ANKRD6: variants seen among roughly 807,000 people sequenced by gnomAD.
ANKRD6 encodes the protein ankyrin repeat domain 6.
Under a neutral mutation model 82.3 loss-of-function variants are expected in ANKRD6, and 56 were observed. That is an observed-to-expected ratio of 0.68 (90% CI 0.55 to 0.85). The LOEUF (loss-of-function observed/expected upper bound fraction) is 0.85, where lower values mean the gene tolerates loss of function less well. Among genes scored for constraint, ANKRD6 ranks in the 40% least tolerant of loss-of-function variants. The pLI is 0.00. For synonymous variants in ANKRD6, 347 were observed against 352.1 expected (o/e 0.99, Z 0.16); for missense variants, 852 against 907.6 (o/e 0.94, Z 0.79).
At chr6:89,476,635 C>T (rs1776071446) in intron 1 of ANKRD6, among the ~76,000 whole-genome samples, 1 of 152,118 alleles carries the variant, frequency 6.6e-6, no homozygotes, top group African/African-American at 2.4e-5. Context: ...TAATATAAAA[C>T]TAGATACTTA....
chr6:89,477,165 C>T (rs1319483243), intron 1 of ANKRD6, among the ~76,000 whole-genome samples: 3 of 152,194 alleles, frequency 2.0e-5, no homozygotes, highest in Non-Finnish European at 2.9e-5. Context: ...AGGATGGTCT[C>T]GATCTCCTGA....
chr6:89,449,052 GAAAT>G (rs1197150401), intron 1 of ANKRD6, among the ~76,000 whole-genome samples: 1 of 139,534 alleles, frequency 7.2e-6, no homozygotes, highest in African/African-American at 2.7e-5. Context: ...AAAAAAAAAA[GAAAT>G]ACATTTTGTA....
In ANKRD6 at chr6:89,545,041, G is replaced by A. The variant is rs1044873786; in HGVS notation, c.-143-21793G>A. On this transcript the variant is annotated intron_variant, in intron 1 of 15. Coordinates refer to ENST00000339746, the MANE Select transcript of ANKRD6 (RefSeq NM_001242809.2). The stretch of plus-strand genomic sequence containing the variant: ...ATCCTGGCTAACACGGTGAAACCCC[G>A]TCTCTACTAAAAATATAAAAAATTA... Among the ~76,000 whole-genome samples the A allele has an allele frequency of 4.0e-5, 6 of 151,386 alleles. No homozygotes were observed. The East Asian group carries it at 5.9e-4, about 15-fold the overall frequency.
intron 1 of ANKRD6, among the ~76,000 whole-genome samples, chr6:89,452,829 C>A (rs544956752): frequency 1.3e-5 from 2 of 152,162 alleles, no homozygotes; most frequent in African/African-American, 2.4e-5. Context: ...GTAAACCTGG[C>A]GGCCAGGAAG....
chr6:89,630,439 A>G lies in ANKRD6; in HGVS notation c.1619A>G (p.Asp540Gly). Residue 540 changes from aspartate to glycine, a missense_variant, in exon 16 of 16, where the codon GAC becomes GGC. By Grantham distance (94) the Asp-to-Gly change is moderately conservative. Transcript: ENST00000339746. ...PSTCESSTGV[D>G]QLVVTAGPAA... ...GTTTTCCTTCTGAAACCAGGTGTGG[A>G]CCAATTAGTGGTGACTGCAGGTCCA... The G allele has an allele frequency of 6.2e-7, 1 of 1,610,232 alleles. No individual in the cohort carries two copies. Among genetic ancestry groups the G allele is most frequent in the East Asian group, 2.2e-5 (1 of 44,824 alleles).
intron 2 of ANKRD6, among the ~76,000 whole-genome samples, chr6:89,589,811 C>T (rs1260360125): frequency 6.6e-6 from 1 of 152,226 alleles, no homozygotes; most frequent in African/African-American, 2.4e-5. Context: ...GTGGTTGTTG[C>T]TTCGCAACAT....
intron 1 of ANKRD6, among the ~76,000 whole-genome samples, chr6:89,515,029 A>G (rs887034602): frequency 1.2e-4 from 19 of 152,070 alleles, no homozygotes; most frequent in Non-Finnish European, 2.5e-4. Context: ...GCATTTTCCT[A>G]TTAGATTATC....
chr6:89,569,350 G>A (rs1292987455), intron 2 of ANKRD6, among the ~76,000 whole-genome samples: 1 of 152,164 alleles, frequency 6.6e-6, no homozygotes, highest in Non-Finnish European at 1.5e-5. Context: ...CATATGGTAT[G>A]TGGTCTTTTG....
chr6:89,465,391 G>A (rs957907601), intron 1 of ANKRD6, among the ~76,000 whole-genome samples: 1 of 151,898 alleles, frequency 6.6e-6, no homozygotes, highest in Non-Finnish European at 1.5e-5. Context: ...AAAGTGCAGG[G>A]ATTACAAGTA....
chr6:89,479,618 T>G (rs1776533949), intron 1 of ANKRD6, among the ~76,000 whole-genome samples: 3 of 149,460 alleles, frequency 2.0e-5, no homozygotes, highest in African/African-American at 7.3e-5. Context: ...TATTTATTTA[T>G]TTATTTATTT....
chr6:89,562,023 C>T (rs1489017348), intron 1 of ANKRD6, among the ~76,000 whole-genome samples: 2 of 152,178 alleles, frequency 1.3e-5, no homozygotes, highest in Non-Finnish European at 2.9e-5. Flanking sequence ...AAAATTCTGT[C>T]TTTAGAGACA....
chr6:89,591,033 G>T (rs567255960), intron 2 of ANKRD6, among the ~76,000 whole-genome samples: 1 of 152,302 alleles, frequency 6.6e-6, no homozygotes, highest in Non-Finnish European at 1.5e-5. Flanking sequence ...GAGTTAAGCT[G>T]AACTGATCTT....
At chr6:89,516,395 A>G (rs1335778103) in intron 1 of ANKRD6, among the ~76,000 whole-genome samples, 2 of 152,154 alleles carry the variant, frequency 1.3e-5, no homozygotes, top group East Asian at 1.9e-4. Context: ...CTGAGACTCA[A>G]ATTTACACCA....
At chr6:89,526,263 A>G (rs1583087366) in intron 1 of ANKRD6, among the ~76,000 whole-genome samples, 1 of 152,154 alleles carries the variant, frequency 6.6e-6, no homozygotes, top group Admixed American at 6.5e-5. Flanking sequence ...CTAATGGTCT[A>G]CCCCATCCAG....
chr6:89,551,359 C>A (rs1340669665), intron 1 of ANKRD6, among the ~76,000 whole-genome samples: 1 of 152,198 alleles, frequency 6.6e-6, no homozygotes, highest in Admixed American at 6.5e-5. Context: ...TCCCACCATG[C>A]TGTTTGTTTT....
At chr6:89,538,931 A>C (rs1450007677) in intron 1 of ANKRD6, among the ~76,000 whole-genome samples, 2 of 152,232 alleles carry the variant, frequency 1.3e-5, no homozygotes, top group Non-Finnish European at 2.9e-5. Context: ...ACAGAGTTTC[A>C]ACAGATTCTT....
At position 89,630,715 on chromosome 6, in the gene ANKRD6, G is replaced by A. The variant is rs200289900; in HGVS notation, c.1895G>A (p.Arg632His). The part of the protein sequence containing the change: ...KSGKSGPTRH[R>H]AQQPAASSTC... Reference sequence around the variant, plus strand: ...GGGAAGAGTGGGCCAACAAGGCATCGTGCCCAGCAACCCGCAGCCAGCAGC... The same window carrying A: ...GGGAAGAGTGGGCCAACAAGGCATCATGCCCAGCAACCCGCAGCCAGCAGC... The change falls in exon 16 of 16, where the codon CGT (arginine) becomes CAT (histidine). Residue 632 changes from arginine (R) to histidine (H), a missense_variant. By Grantham distance (29) the Arg-to-His change is conservative. Coordinates refer to ENST00000339746, the MANE Select transcript of ANKRD6 (RefSeq NM_001242809.2). 5.6e-4 allele frequency: 909 copies of A among 1,613,744 alleles called. 1 individual carries two copies. The highest frequency in any genetic ancestry group is 7.2e-4 in the Non-Finnish European group (851 of 1,179,862).
At chr6:89,533,322 T>C (rs1321197028) in intron 1 of ANKRD6, among the ~76,000 whole-genome samples, 1 of 152,330 alleles carries the variant, frequency 6.6e-6, no homozygotes, top group African/African-American at 2.4e-5. Flanking sequence ...TCCAAGGTCA[T>C]GTAGTCGTAT....
At chr6:89,607,730 A>T (rs1799122612) in intron 5 of ANKRD6, among the ~76,000 whole-genome samples, 1 of 142,016 alleles carries the variant, frequency 7.0e-6, no homozygotes, top group South Asian at 2.2e-4. Context: ...CTGTCGGCTT[A>T]TTGCAACCTC....
Sources: gnomAD v4.1 joint callset for allele counts (sites outside exome capture counted in the v4.1 genomes callset) on GRCh38, gnomAD v4.1.1 for gene constraint, MANE v1.5 for transcripts, NCBI Gene and HGNC (gene_info 2026-07-23, HGNC 2026-07-21) for gene names.